Variants in LRFN5 observed in about 807,000 individuals in gnomAD.
The protein encoded by LRFN5 is leucine rich repeat and fibronectin type III domain containing 5, also known as leucine-rich repeat and fibronectin type-III domain-containing protein 5.
A neutral mutation model predicts 45.6 loss-of-function variants in LRFN5; 24 were observed. That is an observed-to-expected ratio of 0.53 (90% CI 0.38 to 0.74). The LOEUF (loss-of-function observed/expected upper bound fraction) is 0.74, where lower values mean the gene tolerates loss of function less well. Ranked by LOEUF, LRFN5 falls within the 30% of genes least tolerant of loss-of-function variation. The pLI is 0.00. For missense variants in LRFN5, 776 were observed against 861.5 expected (o/e 0.90, Z 1.24); for synonymous variants, 340 against 313.8 (o/e 1.08, Z -0.88).
chr14:41,888,237 T>G (rs1018689626), intron 3 of LRFN5, among the ~76,000 whole-genome samples: 8 of 152,122 alleles, frequency 5.3e-5, no homozygotes, highest in African/African-American at 1.9e-4. Context: ...TTACTTACTT[T>G]TTTCCCCCTC....
chr14:41,787,722 C>T lies in LRFN5; in HGVS notation c.-21+20693C>T, dbSNP rs115081214. ...ATTACGGGAATATAACTTTTTTTTC[C>T]TATTGCTATTTGTATTTTCTCCTTG... On this transcript the variant is annotated intron_variant, in intron 2 of 5. Coordinates refer to ENST00000298119, the MANE Select transcript of LRFN5 (RefSeq NM_152447.5). Among the ~76,000 whole-genome samples the T allele has an allele frequency of 7.3e-3, 1,094 of 150,514 alleles. 13 individuals carry two copies. The highest frequency in any genetic ancestry group is 0.025 in the African/African-American group (1,046 of 41,126).
At chr14:41,862,665 G>A (rs1318415089) in intron 2 of LRFN5, among the ~76,000 whole-genome samples, 1 of 152,140 alleles carries the variant, frequency 6.6e-6, no homozygotes, top group African/African-American at 2.4e-5. Flanking sequence ...GACAGAGTAT[G>A]AGAGTAGATG....
intron 1 of LRFN5, among the ~76,000 whole-genome samples, chr14:41,660,398 A>G (rs1880592059): frequency 6.6e-6 from 1 of 152,040 alleles, no homozygotes; most frequent in South Asian, 2.1e-4. Context: ...AAATGTTTGA[A>G]CGTTTGCAAA....
intron 1 of LRFN5, among the ~76,000 whole-genome samples, chr14:41,680,026 G>C (rs926098190): frequency 2.0e-5 from 3 of 152,168 alleles, no homozygotes; most frequent in African/African-American, 7.2e-5. Flanking sequence ...AGACCCCACT[G>C]CTTGTGGACA....
intron 1 of LRFN5, among the ~76,000 whole-genome samples, chr14:41,662,545 C>T (rs1880703694): frequency 6.6e-6 from 1 of 151,970 alleles, no homozygotes; most frequent in Non-Finnish European, 1.5e-5. Flanking sequence ...CAAGATTTGT[C>T]ATTAAAGCAA....
intron 2 of LRFN5, among the ~76,000 whole-genome samples, chr14:41,799,208 G>A (rs766688702): frequency 5.3e-5 from 8 of 152,084 alleles, no homozygotes; most frequent in East Asian, 3.9e-4. Context: ...ATCACTAAAC[G>A]TCAGAATATG....
chr14:41,763,007 G>T (rs1885733064), intron 1 of LRFN5, among the ~76,000 whole-genome samples: 1 of 152,114 alleles, frequency 6.6e-6, no homozygotes, highest in Admixed American at 6.6e-5. Flanking sequence ...TTTTTCAAAT[G>T]TTATGAATAT....
intron 1 of LRFN5, among the ~76,000 whole-genome samples, chr14:41,742,242 A>G (rs2138823009): frequency 6.6e-6 from 1 of 151,808 alleles, no homozygotes; most frequent in Non-Finnish European, 1.5e-5. Flanking sequence ...TAGTCACAGT[A>G]GCCAAGATAT....
intron 1 of LRFN5, among the ~76,000 whole-genome samples, chr14:41,736,293 C>T (rs1884427627): frequency 6.6e-6 from 1 of 152,166 alleles, no homozygotes; most frequent in Non-Finnish European, 1.5e-5. Flanking sequence ...TTAAAGATCA[C>T]CATTCTAACT....
chr14:41,744,286 G>T (rs138272046), intron 1 of LRFN5, among the ~76,000 whole-genome samples: 2 of 152,078 alleles, frequency 1.3e-5, no homozygotes, highest in Non-Finnish European at 2.9e-5. Context: ...GAGCCCAGGC[G>T]GTTGAAGCTG....
At chr14:41,896,951 G>C (rs1456478791) in intron 4 of LRFN5, among the ~76,000 whole-genome samples, 1 of 151,746 alleles carries the variant, frequency 6.6e-6, no homozygotes, top group Non-Finnish European at 1.5e-5. Flanking sequence ...AATTAGCTGG[G>C]TGTGGTGGCG....
intron 2 of LRFN5, among the ~76,000 whole-genome samples, chr14:41,790,905 G>T (rs558731237): frequency 1.3e-5 from 2 of 151,646 alleles, no homozygotes; most frequent in African/African-American, 2.4e-5. Flanking sequence ...TATACATTCA[G>T]CTGTTAATTA....
intron 2 of LRFN5, among the ~76,000 whole-genome samples, chr14:41,785,554 G>A (rs547587089): frequency 1.1e-4 from 16 of 152,068 alleles, no homozygotes; most frequent in Non-Finnish European, 2.1e-4. Context: ...GCCAGGGACC[G>A]GTTTCGTGGA....
chr14:41,608,734 A>C (rs528218884), intron 1 of LRFN5, among the ~76,000 whole-genome samples, 172 bp downstream of exon 1: 1 of 152,330 alleles, frequency 6.6e-6, no homozygotes, highest in African/African-American at 2.4e-5. Context: ...TAGTAGGTGA[A>C]ATATAAATCT....
rs1004761467 is a variant in LRFN5 at position 41,887,232 on chromosome 14, A to G, written c.607A>G (p.Thr203Ala). ...HLHKMTRLDV[T>A]SNKLQKLPPD... ...GCACAAGATGACTCGGTTAGATGTG[A>G]CATCAAATAAATTGCAGAAGCTACC... is the stretch of plus-strand genomic sequence containing the variant. The change falls in exon 3 of 6, where the codon ACA (threonine) becomes GCA (alanine). Residue 203 changes from threonine (T) to alanine (A), a missense_variant. Physicochemically the swap from Thr to Ala is moderately conservative, Grantham distance 58. Coordinates refer to ENST00000298119, the MANE Select transcript of LRFN5 (RefSeq NM_152447.5). This position sits in a 1 kb window ranked among gnomAD's most constrained non-coding sequence, Gnocchi z 4.8. 3.1e-6 allele frequency: 5 copies of G among 1,614,200 alleles called. No individual in the cohort carries two copies. The highest frequency in any genetic ancestry group is 4.2e-6 in the Non-Finnish European group (5 of 1,180,032).
chr14:41,831,444 A>G (rs761158444), intron 2 of LRFN5, among the ~76,000 whole-genome samples: 3 of 152,212 alleles, frequency 2.0e-5, no homozygotes, highest in African/African-American at 2.4e-5. Flanking sequence ...TGCCACAGAT[A>G]TATAATATAA....
At chr14:41,745,710 A>G (rs1413341918) in intron 1 of LRFN5, among the ~76,000 whole-genome samples, 1 of 152,066 alleles carries the variant, frequency 6.6e-6, no homozygotes, top group Non-Finnish European at 1.5e-5. Flanking sequence ...TTCTACAGAA[A>G]TAAAAAGGAT....
At chr14:41,895,341 G>C (rs1264110819) in intron 4 of LRFN5, among the ~76,000 whole-genome samples, 1 of 152,096 alleles carries the variant, frequency 6.6e-6, no homozygotes, top group Non-Finnish European at 1.5e-5. Context: ...AGTAGACACA[G>C]TGGCTGGGCA....
At chr14:41,777,978 A>G (rs1015589742) in intron 2 of LRFN5, among the ~76,000 whole-genome samples, 1 of 142,040 alleles carries the variant, frequency 7.0e-6, no homozygotes, top group Non-Finnish European at 1.5e-5. Flanking sequence ...TAAAAGAACC[A>G]TTAAGAAGAT....
Sources: allele counts gnomAD v4.1 joint callset (sites outside exome capture counted in the v4.1 genomes callset), GRCh38; gene constraint gnomAD v4.1.1; non-coding constraint Gnocchi (gnomAD v3.1); transcripts MANE v1.5; gene names NCBI Gene and HGNC (gene_info 2026-07-23, HGNC 2026-07-21).